ITGB4: variants seen among roughly 807,000 people sequenced by gnomAD.
ITGB4 encodes integrin subunit beta 4.
In ITGB4, 159 loss-of-function variants were observed where a neutral mutation model predicts 207.6. The ratio of observed to expected loss-of-function variants is 0.77; its 90% confidence interval spans 0.67 to 0.87. ITGB4 has a LOEUF of 0.87. Among genes scored for constraint, ITGB4 ranks in the 40% least tolerant of loss-of-function variants. The pLI is 0.00. For synonymous variants in ITGB4, 1,020 were observed against 1,062.7 expected, an observed-to-expected ratio of 0.96 and a Z score of 0.78; for missense variants, 2,278 against 2,546.8, an observed-to-expected ratio of 0.89 and a Z score of 2.27.
At chr17:75,754,088 G>A (rs1209947533) in intron 33 of ITGB4, 114 bp downstream of exon 33, 2 of 464,828 alleles carry the variant, frequency 4.3e-6, no homozygotes, top group Admixed American at 4.0e-5. Flanking sequence ...GCCAGGCCCG[G>A]GCCTTGGCGG....
rs1234342144 is a variant in ITGB4, at chr17:75,750,162, C to T, written c.3368C>T (p.Pro1123Leu). 5.6e-6 allele frequency: 9 copies of T among 1,613,878 alleles called. No individual in the cohort carries two copies. Among genetic ancestry groups the T allele is most frequent in the East Asian group, 2.2e-5 (1 of 44,884 alleles). ...TSQMLSSQPPPHGDLGAPQNP... is the reference protein window; with the variant it reads ...TSQMLSSQPPLHGDLGAPQNP... ...CAGATGTTGTCATCACAGCCACCCCCTCACGGCGACCTGGGCGCCCCGCAG... is the reference window on the plus strand; with the variant it reads ...CAGATGTTGTCATCACAGCCACCCCTTCACGGCGACCTGGGCGCCCCGCAG... Residue 1123 changes from proline to leucine, a missense_variant, in exon 28 of 40, where the codon CCT becomes CTT. By Grantham distance (98) the Pro-to-Leu change is moderately conservative. Coordinates refer to ENST00000200181, the MANE Select transcript of ITGB4 (RefSeq NM_000213.5). The surrounding 1 kb of genome is among the most constrained non-coding windows in gnomAD (Gnocchi z 5.5).
rs2061449498 is a variant in ITGB4, at chr17:75,754,790, C to T, written c.4533C>T (p.Ser1511=). 2 of 1,614,126 alleles carry T rather than the reference C, an allele frequency of 1.2e-6. No homozygotes were observed. Among genetic ancestry groups the T allele is most frequent in the East Asian group, 4.5e-5 (2 of 44,884 alleles). ...CGACCACACTGCCCAGGGACTACTC[C>T]ACCCTCACCTCCGTCTCCTCCCACG... ...SHSTTLPRDY[S]TLTSVSSHDS... The change falls in exon 34 of 40, where the codon TCC becomes TCT. Residue 1511 remains serine (S), a synonymous_variant. Coordinates refer to ENST00000200181, the MANE Select transcript of ITGB4 (RefSeq NM_000213.5).
chr17:75,743,993 C>T lies in ITGB4; in HGVS notation c.3111+132C>T, dbSNP rs1426879763. The T allele has an allele frequency of 6.8e-6, 7 of 1,026,146 alleles. No homozygotes were observed. In the East Asian group the frequency reaches 1.8e-4, roughly 27 times the overall value. 63.6% of individuals were successfully genotyped at this position (1,026,146 alleles called of 1,614,324 possible). On this transcript the variant is annotated intron_variant, in intron 26 of 39. Transcript: ENST00000200181. The stretch of plus-strand genomic sequence containing the variant: ...ACTGGCCGTGCCCCTGGCTGGCCTC[C>T]CAAGGACACGTCCACCTGCTCCTGC...
chr17:75,751,690 G>A (rs183567637), intron 30 of ITGB4: 145 of 222,642 alleles, frequency 6.5e-4, no homozygotes, highest in Admixed American at 1.9e-3. Context: ...GCAGTGAACC[G>A]AGATCGTGTT....
chr17:75,748,900 G>T lies in ITGB4; in HGVS notation c.3171G>T (p.Leu1057=). Reference sequence around the variant, plus strand: ...AGCCTGGGGAGGCCTGGAAAGAGCTGCAGGTGAAGCTCCTGGAGCTGCAAG... The same window carrying T: ...AGCCTGGGGAGGCCTGGAAAGAGCTTCAGGTGAAGCTCCTGGAGCTGCAAG... ...LFQPGEAWKE[L]QVKLLELQEV... Residue 1057 remains leucine (L), a synonymous_variant, in exon 27 of 40, where the codon CTG becomes CTT. Coordinates refer to ENST00000200181, the MANE Select transcript of ITGB4 (RefSeq NM_000213.5). 3 of 1,613,218 alleles carry T rather than the reference G, an allele frequency of 1.9e-6. No homozygotes were observed. Among genetic ancestry groups the T allele is most frequent in the South Asian group, 1.1e-5 (1 of 91,026 alleles).
In ITGB4 at chr17:75,756,517, C is replaced by T. The variant is rs530315339; in HGVS notation, c.4797C>T (p.Arg1599=). The T allele has an allele frequency of 6.1e-5, 98 of 1,613,226 alleles. No homozygotes were observed. The highest frequency in any genetic ancestry group is 2.1e-4 in the South Asian group (19 of 91,088). ...DLLPNHSYVF[R]VRAQSQEGWG... is the part of the protein sequence containing the mutation. ...TGCCCAACCACTCCTACGTGTTCCG[C>T]GTGCGGGCCCAGAGCCAGGAAGGCT... is the stretch of plus-strand genomic sequence containing the variant. The change falls in exon 36 of 40, where the codon CGC becomes CGT. Residue 1599 remains arginine, a synonymous_variant. Coordinates refer to ENST00000200181, the MANE Select transcript of ITGB4 (RefSeq NM_000213.5).
In ITGB4 at chr17:75,729,034, T is replaced by C. The variant is rs2060791573; in HGVS notation, c.567-231T>C. ...TTAGCCAGGTGTGGTGGTGGGCGCCTGTAATTCCAGCTACTTGGGAGGCTG... is the reference window on the plus strand; with the variant it reads ...TTAGCCAGGTGTGGTGGTGGGCGCCCGTAATTCCAGCTACTTGGGAGGCTG... On this transcript the variant is annotated intron_variant, in intron 6 of 39. Transcript: ENST00000200181. This position sits in a 1 kb window ranked among gnomAD's most constrained non-coding sequence, Gnocchi z 4.4. 6.9e-6 allele frequency among the ~76,000 whole-genome samples: 1 copy of C among 144,948 alleles called. No homozygotes were observed. Among genetic ancestry groups the C allele is most frequent in the Non-Finnish European group, 1.5e-5 (1 of 66,472 alleles).
rs774118950 is a variant in ITGB4 at position 75,750,981 on chromosome 17, C to A, written c.3663C>A (p.Ser1221Arg). Residue 1221 changes from serine (S) to arginine (R), a missense_variant, in exon 30 of 40, where the codon AGC (serine) becomes AGA (arginine). Ser to Arg is a moderately radical substitution (Grantham distance 110, BLOSUM62 -1). Coordinates refer to ENST00000200181, the MANE Select transcript of ITGB4 (RefSeq NM_000213.5). The surrounding 1 kb of genome is among the most constrained non-coding windows in gnomAD (Gnocchi z 5.5). The stretch of plus-strand genomic sequence containing the variant: ...GTATTCCCCGCTCCCTAGTGCCCAG[C>A]GAGCCAGGGCGTCTGGCCTTCAATG... ...VSCRTHQEVPSEPGRLAFNVV... is the reference protein window; with the variant it reads ...VSCRTHQEVPREPGRLAFNVV... The A allele has an allele frequency of 6.2e-7, 1 of 1,613,596 alleles. No individual in the cohort carries two copies. The highest frequency in any genetic ancestry group is 8.5e-7 in the Non-Finnish European group (1 of 1,180,032).
At chr17:75,734,822 G>C (rs1350834156) in intron 13 of ITGB4, among the ~76,000 whole-genome samples, 1 of 152,222 alleles carries the variant, frequency 6.6e-6, no homozygotes, top group Non-Finnish European at 1.5e-5. Flanking sequence ...AGGTATGAGA[G>C]AGGAAGGGAG....
At chr17:75,755,562 T>C in intron 34 of ITGB4, 139 bp from the exon 35 acceptor site, 1 of 1,081,370 alleles carries the variant, frequency 9.2e-7, no homozygotes, top group Non-Finnish European at 1.4e-6. Flanking sequence ...GGACAGGGTG[T>C]TGCAGGGTGA....
intron 18 of ITGB4, among the ~76,000 whole-genome samples, chr17:75,738,555 C>A (rs993524126): frequency 6.6e-6 from 1 of 152,230 alleles, no homozygotes; most frequent in Non-Finnish European, 1.5e-5. Context: ...CCGCCCAGGA[C>A]CCCCACTCCA....
At chr17:75,753,710 C>G (rs961729879) in intron 32 of ITGB4, 55 bp from the exon 33 acceptor site, 2 of 1,240,902 alleles carry the variant, frequency 1.6e-6, no homozygotes, top group African/African-American at 3.1e-5. Flanking sequence ...CCGCCTGGCC[C>G]TGCTCGGCCC....
chr17:75,746,459 C>A (rs928152508), intron 26 of ITGB4: 7 of 152,000 alleles, frequency 4.6e-5, no homozygotes, highest in South Asian at 4.1e-4. Context: ...TCTCGAACTC[C>A]TGACCTCGTG....
chr17:75,751,202 G>GCACAGCAGGTCCAGGGAGT, intron 30 of ITGB4, 91 bp downstream of exon 30: 1 of 1,481,022 alleles, frequency 6.8e-7, no homozygotes, highest in Non-Finnish European at 9.3e-7. Flanking sequence ...GTCACTCCCT[G>GCACAGCAGGTCCAGGGAGT]GACCTGCTGT....
intron 23 of ITGB4, among the ~76,000 whole-genome samples, chr17:75,741,965 A>C (rs1457658254): frequency 6.6e-6 from 1 of 152,210 alleles, no homozygotes; most frequent in Non-Finnish European, 1.5e-5. Flanking sequence ...GAGGAAGCTG[A>C]GGCTCAAAAG....
At chr17:75,735,826 G>A (rs1014086657) in intron 13 of ITGB4, among the ~76,000 whole-genome samples, 1 of 152,222 alleles carries the variant, frequency 6.6e-6, no homozygotes, top group Non-Finnish European at 1.5e-5. Context: ...GATTGGATTT[G>A]TTTTGAGATA....
At position 75,732,812 on chromosome 17, in the gene ITGB4, C is replaced by T. The variant is rs1280592344; in HGVS notation, c.1454+573C>T. On this transcript the variant is annotated intron_variant, in intron 12 of 39. Coordinates refer to ENST00000200181, the MANE Select transcript of ITGB4 (RefSeq NM_000213.5). This position sits in a 1 kb window ranked among gnomAD's most constrained non-coding sequence, Gnocchi z 5.3. ...CTGTAAAATGGGACAGCAGGCCAGG[C>T]GAGGTGGCTCACACCTGTAATCCCA... is the stretch of plus-strand genomic sequence containing the variant. 2.0e-5 allele frequency among the ~76,000 whole-genome samples: 3 copies of T among 152,162 alleles called. No individual in the cohort carries two copies. The highest frequency in any genetic ancestry group is 7.2e-5 in the African/African-American group (3 of 41,434).
In ITGB4 at chr17:75,731,799, G is replaced by A. The variant is rs766623947; in HGVS notation, c.1216-13G>A. 1.9e-6 allele frequency: 3 copies of A among 1,568,874 alleles called. No homozygotes were observed. Among genetic ancestry groups the A allele is most frequent in the South Asian group, 2.3e-5 (2 of 86,712 alleles). On this transcript the variant is annotated splice_polypyrimidine_tract_variant and intron_variant, in intron 10 of 39. Coordinates refer to ENST00000200181, the MANE Select transcript of ITGB4 (RefSeq NM_000213.5). The surrounding 1 kb of genome is among the most constrained non-coding windows in gnomAD (Gnocchi z 6.8). ...GGCTGGGCCTGCCTTGGCTGACCAC[G>A]GGGCCCCTGCAGGGTATATACCAGG...
chr17:75,740,467 G>C lies in ITGB4; in HGVS notation c.2550+6G>C, dbSNP rs745501439. On this transcript the variant is annotated splice_donor_region_variant and intron_variant, in intron 21 of 39. Transcript: ENST00000200181. This position sits in a 1 kb window ranked among gnomAD's most constrained non-coding sequence, Gnocchi z 5.9. ...GCCAGGAGGTGGAGGAGAACGTAAG[G>C]ACCCAGGAACTAGGCCTGGCCGGAG... The C allele has an allele frequency of 2.5e-6, 4 of 1,611,760 alleles. No individual in the cohort carries two copies. The highest frequency in any genetic ancestry group is 1.7e-5 in the Admixed American group (1 of 60,016).
Sources: gnomAD v4.1 joint callset for allele counts (sites outside exome capture counted in the v4.1 genomes callset) on GRCh38, gnomAD v4.1.1 for gene constraint, Gnocchi (gnomAD v3.1) non-coding constraint, MANE v1.5 for transcripts, NCBI Gene and HGNC (gene_info 2026-07-23, HGNC 2026-07-21) for gene names.